The following CCNDBP1 variants were observed in gnomAD, a reference collection of about 807,000 sequenced individuals.
CCNDBP1 encodes cyclin D1 binding protein 1, also known as cyclin-D1-binding protein 1.
Under a neutral mutation model 46.2 loss-of-function variants are expected in CCNDBP1, and 45 were observed. The ratio of observed to expected loss-of-function variants is 0.97; its 90% CI spans 0.77 to 1.25. The LOEUF (loss-of-function observed/expected upper bound fraction) is 1.25. Among genes scored for constraint, CCNDBP1 ranks in the 50% most tolerant of loss-of-function variants. The pLI is 0.00. For missense variants in CCNDBP1, 436 were observed against 442.1 expected, an observed-to-expected ratio of 0.99 and a Z score of 0.12; for synonymous variants, 154 against 163.6, an observed-to-expected ratio of 0.94 and a Z score of 0.45.
chr15:43,190,161 C>G lies in CCNDBP1; in HGVS notation c.428+10C>G, dbSNP rs774872923. ...TCACTCCAACTCAGAGGTAGTGATG[C>G]CACAGTTTAGGTTACCAGTTATTGG... is the stretch of plus-strand genomic sequence containing the variant. On this transcript the variant is annotated intron_variant, in intron 5 of 10. Coordinates refer to ENST00000300213, the MANE Select transcript of CCNDBP1 (RefSeq NM_012142.5). 6 of 1,612,012 alleles carry G rather than the reference C, an allele frequency of 3.7e-6. No homozygotes were observed. In the South Asian group the frequency reaches 5.5e-5, roughly 15 times the overall value.
At chr15:43,192,636 A>G (rs1012916222) in intron 8 of CCNDBP1, 107 bp from the exon 9 acceptor site, 1 of 1,007,234 alleles carries the variant, frequency 9.9e-7, no homozygotes, top group Non-Finnish European at 1.6e-6. Flanking sequence ...TTAAAAACTG[A>G]CAGGCATTTC....
At position 43,194,864 on chromosome 15, in the gene CCNDBP1, T is replaced by A. The variant is rs1188707285; in HGVS notation, c.*23T>A. The A allele has an allele frequency of 7.2e-7, 1 of 1,393,192 alleles. No individual in the cohort carries two copies. The highest frequency in any genetic ancestry group is 1.2e-5 in the South Asian group (1 of 86,328). 86.3% of individuals were successfully genotyped at this position (1,393,192 alleles called of 1,614,324 possible). ...TGACTTTTCAGGCTCATTTGTACTC[T>A]CTTCCCCTCTCATCGTCATGGTCAG... On this transcript the variant is annotated 3_prime_UTR_variant, in exon 11 of 11. Transcript: ENST00000300213.
chr15:43,193,082 C>T (rs370752873), intron 9 of CCNDBP1: 18 of 408,474 alleles, frequency 4.4e-5, no homozygotes, highest in African/African-American at 2.8e-4. Context: ...TAAGGCTGGG[C>T]GCGGTAGCTC....
intron 6 of CCNDBP1, 82 bp from the exon 7 acceptor site, chr15:43,190,884 A>G: frequency 8.7e-7 from 1 of 1,150,556 alleles, no homozygotes; most frequent in South Asian, 1.2e-5. Flanking sequence ...ATCAATAGGA[A>G]CAATGTGATT....
rs776957289 is a variant in CCNDBP1 at position 43,194,869 on chromosome 15, C to A, written c.*28C>A. ...TTTCAGGCTCATTTGTACTCTCTTCCCCTCTCATCGTCATGGTCAGGCTCT... is the reference window on the plus strand; with the variant it reads ...TTTCAGGCTCATTTGTACTCTCTTCACCTCTCATCGTCATGGTCAGGCTCT... On this transcript the variant is annotated 3_prime_UTR_variant, in exon 11 of 11. Coordinates refer to ENST00000300213, the MANE Select transcript of CCNDBP1 (RefSeq NM_012142.5). The A allele has an allele frequency of 7.2e-7, 1 of 1,380,736 alleles. No individual in the cohort carries two copies. Among genetic ancestry groups the A allele is most frequent in the East Asian group, 2.3e-5 (1 of 43,548 alleles). The allele number at this position is 1,380,736 out of a possible 1,614,324, so 85.5% of individuals were successfully genotyped here. A position where few individuals can be genotyped will look rare whatever the true frequency, so the allele number is the denominator to read the frequency against.
intron 3 of CCNDBP1, 36 bp from the exon 4 acceptor site, chr15:43,189,163 T>G (rs760408699): frequency 4.3e-6 from 5 of 1,164,690 alleles, no homozygotes; most frequent in African/African-American, 3.1e-5. Flanking sequence ...GCAGAAGGGT[T>G]GACCACTTTG....
Position 43,194,870 on chromosome 15 carries a change from CCT to C in CCNDBP1, c.*33_*34del. ...TTCAGGCTCATTTGTACTCTCTTCC[CCT>C]CTCATCGTCATGGTCAGGCTCTGAT... is the stretch of plus-strand genomic sequence containing the variant. On this transcript the variant is annotated 3_prime_UTR_variant, in exon 11 of 11. Coordinates refer to ENST00000300213, the MANE Select transcript of CCNDBP1 (RefSeq NM_012142.5). 1 of 1,371,244 alleles carries C rather than the reference CCT, an allele frequency of 7.3e-7. No individual in the cohort carries two copies. The highest frequency in any genetic ancestry group is 1.0e-6 in the Non-Finnish European group (1 of 959,712). 84.9% of individuals were successfully genotyped at this position (1,371,244 alleles called of 1,614,324 possible). A position where few individuals can be genotyped will look rare whatever the true frequency, so the allele number is the denominator to read the frequency against.
intron 9 of CCNDBP1, 121 bp from the exon 10 acceptor site, chr15:43,194,294 G>A: frequency 2.8e-6 from 2 of 703,300 alleles, no homozygotes; most frequent in Non-Finnish European, 4.5e-6. Context: ...TTTAAATTTT[G>A]CATACTTCCT....
rs2041793893 is a variant in CCNDBP1 at position 43,185,565 on chromosome 15, C to T, written c.67C>T (p.His23Tyr). The change falls in exon 1 of 11, where the codon CAC becomes TAC. Residue 23 changes from histidine (H) to tyrosine (Y), a missense_variant. His to Tyr is a moderately conservative substitution (Grantham distance 83). Coordinates refer to ENST00000300213, the MANE Select transcript of CCNDBP1 (RefSeq NM_012142.5). ...TLASPLEQLRHLAEELRLLLP... is the reference protein window; with the variant it reads ...TLASPLEQLRYLAEELRLLLP... ...GGCTTCGCCTTTGGAGCAGCTCCGG[C>T]ACTTGGCGGAGGAGCTGCGGTTGCT... 3.1e-6 allele frequency: 5 copies of T among 1,589,988 alleles called. No homozygotes were observed. The highest frequency in any genetic ancestry group is 3.4e-6 in the Non-Finnish European group (4 of 1,170,972).
In CCNDBP1 at chr15:43,194,888, A is replaced by AG; in HGVS notation, c.*49dup. ...CTCTTCCCCTCTCATCGTCATGGTC[A>AG]GGCTCTGATACCTGCTTTTAAAATG... On this transcript the variant is annotated 3_prime_UTR_variant, in exon 11 of 11. Transcript: ENST00000300213. 1 of 1,171,616 alleles carries AG rather than the reference A, an allele frequency of 8.5e-7. No individual in the cohort carries two copies. Among genetic ancestry groups the AG allele is most frequent in the African/African-American group, 1.5e-5 (1 of 65,934 alleles). 72.6% of individuals were successfully genotyped at this position (1,171,616 alleles called of 1,614,324 possible).
Position 43,190,170 on chromosome 15 carries a change from A to C in CCNDBP1, c.428+19A>C, listed in dbSNP as rs767804967. ...CTCAGAGGTAGTGATGCCACAGTTT[A>C]GGTTACCAGTTATTGGGGTTCCTTG... On this transcript the variant is annotated intron_variant, in intron 5 of 10. Transcript: ENST00000300213. 2 of 1,611,726 alleles carry C rather than the reference A, an allele frequency of 1.2e-6. No individual in the cohort carries two copies. Among genetic ancestry groups the C allele is most frequent in the Non-Finnish European group, 1.7e-6 (2 of 1,178,000 alleles).
intron 5 of CCNDBP1, 27 bp downstream of exon 5, chr15:43,190,178 A>C: frequency 3.7e-6 from 6 of 1,608,942 alleles, no homozygotes; most frequent in Non-Finnish European, 5.1e-6. Flanking sequence ...TTAGGTTACC[A>C]GTTATTGGGG....
In CCNDBP1 at chr15:43,196,086, A is replaced by G. The variant is rs1316815395; in HGVS notation, c.*1245A>G. ...TAGAGCCTATTTTTTATATACTTTTATATTTCTCTACTGGACCAAATTCAT... is the reference window on the plus strand; with the variant it reads ...TAGAGCCTATTTTTTATATACTTTTGTATTTCTCTACTGGACCAAATTCAT... On this transcript the variant is annotated 3_prime_UTR_variant, in exon 11 of 11. Transcript: ENST00000300213. 6.6e-6 allele frequency: 1 copy of G among 152,066 alleles called. No individual in the cohort carries two copies. The highest frequency in any genetic ancestry group is 1.5e-5 in the Non-Finnish European group (1 of 68,006). The allele number at this position is 152,066 out of a possible 1,614,324, so 9.4% of individuals were successfully genotyped here.
In CCNDBP1 at chr15:43,187,264, CT is replaced by C. The variant is rs1180549275; in HGVS notation, c.249+1034del. 6.0e-5 allele frequency among the ~76,000 whole-genome samples: 9 copies of C among 151,202 alleles called. No individual in the cohort carries two copies. In the East Asian group the frequency reaches 1.7e-3, roughly 29 times the overall value. On this transcript the variant is annotated intron_variant, in intron 3 of 10. Transcript: ENST00000300213. ...TGATAAACTCTCTCCTCCTACATAC[CT>C]TTGAGATTTTTTTTTTTTTTTTGAG...
At chr15:43,186,011 C>G in intron 2 of CCNDBP1, 132 bp downstream of exon 2, 4 of 1,155,846 alleles carry the variant, frequency 3.5e-6, no homozygotes, top group Non-Finnish European at 5.1e-6. Context: ...CCTTACCCAC[C>G]TCAGCACCTG....
chr15:43,191,819 C>A, intron 8 of CCNDBP1, 144 bp downstream of exon 8: 1 of 811,204 alleles, frequency 1.2e-6, no homozygotes, highest in Non-Finnish European at 1.9e-6. Flanking sequence ...TCAGTGAACA[C>A]CCCTATATCC....
chr15:43,189,077 CAA>C (rs763476042), intron 3 of CCNDBP1, 120 bp from the exon 4 acceptor site: 889 of 151,246 alleles, frequency 5.9e-3, no homozygotes, highest in South Asian at 0.013. Flanking sequence ...GACTCTGTCT[CAA>C]AAAAAAAAAA....
At chr15:43,192,704 G>GT (rs1567265161) in intron 8 of CCNDBP1, 39 bp from the exon 9 acceptor site, 4 of 1,597,274 alleles carry the variant, frequency 2.5e-6, no homozygotes, top group South Asian at 1.1e-5. Context: ...ACCTGGCTGC[G>GT]TTTTTTTGTT....
intron 9 of CCNDBP1, 161 bp from the exon 10 acceptor site, chr15:43,194,254 G>A (rs1043264224): frequency 3.2e-5 from 17 of 531,376 alleles, no homozygotes; most frequent in East Asian, 3.2e-4. Flanking sequence ...AAAAGAACCC[G>A]TAATCCTGCC....
Sources: allele counts gnomAD v4.1 joint callset (sites outside exome capture counted in the v4.1 genomes callset), GRCh38; gene constraint gnomAD v4.1.1; transcripts MANE v1.5; gene names NCBI Gene and HGNC (gene_info 2026-07-23, HGNC 2026-07-21).